Variants in HIPK1 observed in about 807,000 individuals in gnomAD.
The protein encoded by HIPK1 is homeodomain-interacting protein kinase 1.
A neutral mutation model predicts 117.1 loss-of-function variants in HIPK1; 28 were observed. That is an observed-to-expected ratio of 0.24 (90% confidence interval 0.18 to 0.33). The LOEUF is 0.33. Among genes scored for constraint, HIPK1 ranks in the 10% least tolerant of loss-of-function variants. HIPK1 has a pLI of 1.00. For missense variants in HIPK1, 1,122 were observed against 1,475.1 expected (o/e 0.76, Z 3.92); for synonymous variants, 605 against 562.5 (o/e 1.08, Z -1.07).
chr1:113,966,869 C>T (rs1672484518), intron 11 of HIPK1, among the ~76,000 whole-genome samples: 1 of 150,602 alleles, frequency 6.6e-6, no homozygotes, highest in Middle Eastern at 3.2e-3. Flanking sequence ...ATTAACCATC[C>T]CTACCTCCCC....
In HIPK1 at chr1:113,940,737, T is replaced by C; in HGVS notation, c.354T>C (p.Tyr118=). Residue 118 remains tyrosine (Y), a synonymous_variant, in exon 2 of 16, where the codon TAT becomes TAC. Transcript: ENST00000426820. The stretch of plus-strand genomic sequence containing the variant: ...GCAACGTTTCTTTGCTTGAGCCATA[T>C]CAAAAATGTGGATTGAAACGAAAAA... ...HRSNVSLLEP[Y]QKCGLKRKSE... 6.2e-7 allele frequency: 1 copy of C among 1,614,092 alleles called. No individual in the cohort carries two copies.
rs55998621 is a variant in HIPK1 at position 113,938,909 on chromosome 1, CA to C, written c.-2-1454del. ...TGGGCTACAGAGTGAGACTCTGTCT[CA>C]AAAAAAAAAAAAAAAAAATACACAC... On this transcript the variant is annotated intron_variant, in intron 1 of 15. Coordinates refer to ENST00000426820, the MANE Select transcript of HIPK1 (RefSeq NM_198268.3). 7.2e-3 allele frequency among the ~76,000 whole-genome samples: 182 copies of C among 25,380 alleles called. 2 individuals are homozygous for C. Among genetic ancestry groups the C allele is most frequent in the Middle Eastern group, 0.062 (3 of 48 alleles). The allele number at this position is 25,380 out of a possible 152,430, so 16.7% of individuals were successfully genotyped here.
At chr1:113,966,647 T>A (rs1165776112) in intron 11 of HIPK1, among the ~76,000 whole-genome samples, 1 of 152,138 alleles carries the variant, frequency 6.6e-6, no homozygotes, top group Non-Finnish European at 1.5e-5. Flanking sequence ...ATGGGGTACA[T>A]GAGATGTTTT....
intron 15 of HIPK1, 166 bp downstream of exon 15, chr1:113,972,120 C>A (rs1672879927): frequency 6.4e-7 from 1 of 1,563,186 alleles, no homozygotes. Flanking sequence ...TGTGTCTCTT[C>A]ATTCACTCTG....
rs1164911759 is a variant in HIPK1 at position 113,976,176 on chromosome 1, C to T, written c.*2664C>T. ...GGTAGTCCGTACAGCCTACCAGGAA[C>T]ATGTTGTGTTTTCTTTATTTTTTAA... is the stretch of plus-strand genomic sequence containing the variant. On this transcript the variant is annotated 3_prime_UTR_variant, in exon 16 of 16. Coordinates refer to ENST00000426820, the MANE Select transcript of HIPK1 (RefSeq NM_198268.3). 1 of 152,724 alleles carries T rather than the reference C, an allele frequency of 6.5e-6. No homozygotes were observed. Among genetic ancestry groups the T allele is most frequent in the African/African-American group, 2.4e-5 (1 of 41,426 alleles). 9.5% of individuals were successfully genotyped at this position (152,724 alleles called of 1,614,324 possible). A position where few individuals can be genotyped will look rare whatever the true frequency, so the allele number is the denominator to read the frequency against.
chr1:113,929,451 C>G lies in HIPK1; in HGVS notation c.-84C>G, dbSNP rs148701256. 2.3e-6 allele frequency: 3 copies of G among 1,289,272 alleles called. No individual in the cohort carries two copies. Among genetic ancestry groups the G allele is most frequent in the African/African-American group, 1.5e-5 (1 of 65,830 alleles). 79.9% of individuals were successfully genotyped at this position (1,289,272 alleles called of 1,614,324 possible). On this transcript the variant is annotated 5_prime_UTR_variant, in exon 1 of 16. Transcript: ENST00000426820. ...ACGCTGGCTCCCTACGGAGGCCCACCTACTCGAGGCCCACCGACTCCTACT... is the reference window on the plus strand; with the variant it reads ...ACGCTGGCTCCCTACGGAGGCCCACGTACTCGAGGCCCACCGACTCCTACT...
intron 2 of HIPK1, among the ~76,000 whole-genome samples, chr1:113,948,298 C>A (rs1558133198): frequency 6.6e-6 from 1 of 152,174 alleles, no homozygotes; most frequent in Non-Finnish European, 1.5e-5. Flanking sequence ...GGGTCTCAGG[C>A]TGGAGTGCAG....
rs1673214027 is a variant in HIPK1, at chr1:113,977,721, TGTATTTTCA to T, written c.*4218_*4226del. On this transcript the variant is annotated 3_prime_UTR_variant, in exon 16 of 16. Transcript: ENST00000426820. The stretch of plus-strand genomic sequence containing the variant: ...TTGTCTTTGGTTTTACAAAGTAGCT[TGTATTTTCA>T]GTATTTTCTACATAATATGGTAAAA... 6.5e-6 allele frequency: 1 copy of T among 152,730 alleles called. No individual in the cohort carries two copies. The highest frequency in any genetic ancestry group is 1.9e-4 in the East Asian group (1 of 5,260). 9.5% of individuals were successfully genotyped at this position (152,730 alleles called of 1,614,324 possible). A position where few individuals can be genotyped will look rare whatever the true frequency, so the allele number is the denominator to read the frequency against.
In HIPK1 at chr1:113,942,413, A is replaced by G. The variant is rs74655991; in HGVS notation, c.1076+954A>G. Among the ~76,000 whole-genome samples the G allele has an allele frequency of 5.5e-3, 833 of 152,322 alleles. 7 individuals are homozygous for G. The highest frequency in any genetic ancestry group is 0.018 in the African/African-American group (763 of 41,572). ...AAAGATATTTACTTATTTGTAATGA[A>G]TCTGAGCATATGTTGCTGTTTTTTC... On this transcript the variant is annotated intron_variant, in intron 2 of 15. Transcript: ENST00000426820.
chr1:113,965,554 A>G (rs1418223176), intron 10 of HIPK1, among the ~76,000 whole-genome samples: 1 of 152,162 alleles, frequency 6.6e-6, no homozygotes, highest in African/African-American at 2.4e-5. Context: ...GCTATAAATG[A>G]TGAAGTTAGC....
rs181975384 is a variant in HIPK1, at chr1:113,945,886, A to G, written c.1076+4427A>G. Among the ~76,000 whole-genome samples, 34 of 152,318 alleles carry G rather than the reference A, an allele frequency of 2.2e-4. 1 individual carries two copies. The Middle Eastern group carries it at 0.014, about 61-fold the overall frequency. ...GGTTTTTCTATTTTATACAAAAACCATAATTGCTTTTTATTAAGGATAGCG... is the reference window on the plus strand; with the variant it reads ...GGTTTTTCTATTTTATACAAAAACCGTAATTGCTTTTTATTAAGGATAGCG... On this transcript the variant is annotated intron_variant, in intron 2 of 15. Coordinates refer to ENST00000426820, the MANE Select transcript of HIPK1 (RefSeq NM_198268.3).
At chr1:113,952,672 CTTTAGCTAA>C (rs1399444753) in intron 2 of HIPK1, 85 bp from the exon 3 acceptor site, 19 of 935,544 alleles carry the variant, frequency 2.0e-5, no homozygotes, top group Non-Finnish European at 2.7e-5. Flanking sequence ...ATAAATGTTC[CTTTAGCTAA>C]TACTAAAACA....
At chr1:113,954,029 C>G (rs537734744) in intron 3 of HIPK1, 1 of 152,314 alleles carries the variant, frequency 6.6e-6, no homozygotes, top group Non-Finnish European at 1.5e-5. Flanking sequence ...AGGCCTGTCA[C>G]AGCTTACTGT....
At chr1:113,937,972 GT>G (rs956885001) in intron 1 of HIPK1, among the ~76,000 whole-genome samples, 5 of 148,188 alleles carry the variant, frequency 3.4e-5, no homozygotes, top group Non-Finnish European at 6.0e-5. Flanking sequence ...GTTGAGACAG[GT>G]TTTTTTTTTG....
At chr1:113,934,465 C>G (rs1346585055) in intron 1 of HIPK1, among the ~76,000 whole-genome samples, 1 of 152,134 alleles carries the variant, frequency 6.6e-6, no homozygotes, top group Non-Finnish European at 1.5e-5. Context: ...TGGATTCTAG[C>G]TATTATCTTT....
rs149936589 is a variant in HIPK1, at chr1:113,957,274, A to G, written c.1743A>G (p.Thr581=). Residue 581 remains threonine, a synonymous_variant, in exon 7 of 16, where the codon ACA becomes ACG. Coordinates refer to ENST00000426820, the MANE Select transcript of HIPK1 (RefSeq NM_198268.3). ...TGAGCTTCAGCAATCAGCTCAATAC[A>G]GTGCACAATCAGGTATTCAATAAAT... ...LTMSFSNQLN[T]VHNQASVLAS... 43 of 1,606,220 alleles carry G rather than the reference A, an allele frequency of 2.7e-5. No homozygotes were observed. The African/African-American group carries it at 4.9e-4, about 18-fold the overall frequency.
chr1:113,968,335 T>C (rs1225178668), intron 12 of HIPK1, 107 bp from the exon 13 acceptor site: 1 of 813,094 alleles, frequency 1.2e-6, no homozygotes, highest in East Asian at 2.4e-5. Flanking sequence ...GCTTAATGAT[T>C]ATGTAAAAAG....
Position 113,952,897 on chromosome 1 carries a change from T to A in HIPK1, c.1200+8T>A, listed in dbSNP as rs748336303. ...GCTTCAGAATATGATCAGGTAAAAGTGTTTATTTGAATGGAAATAGAATGC... is the reference window on the plus strand; with the variant it reads ...GCTTCAGAATATGATCAGGTAAAAGAGTTTATTTGAATGGAAATAGAATGC... On this transcript the variant is annotated splice_region_variant and intron_variant, in intron 3 of 15. Coordinates refer to ENST00000426820, the MANE Select transcript of HIPK1 (RefSeq NM_198268.3). 2 of 1,481,848 alleles carry A rather than the reference T, an allele frequency of 1.3e-6. No individual in the cohort carries two copies. The highest frequency in any genetic ancestry group is 1.8e-6 in the Non-Finnish European group (2 of 1,116,114). 91.8% of individuals were successfully genotyped at this position (1,481,848 alleles called of 1,614,324 possible). A position where few individuals can be genotyped will look rare whatever the true frequency, so the allele number is the denominator to read the frequency against.
chr1:113,934,977 G>A (rs1333553674), intron 1 of HIPK1, among the ~76,000 whole-genome samples: 2 of 125,514 alleles, frequency 1.6e-5, no homozygotes, highest in African/African-American at 3.0e-5. Flanking sequence ...TGACAGTGGT[G>A]AGAACCTGTC....
Sources: allele counts gnomAD v4.1 joint callset (sites outside exome capture counted in the v4.1 genomes callset), GRCh38; gene constraint gnomAD v4.1.1; transcripts MANE v1.5; gene names NCBI Gene and HGNC (gene_info 2026-07-23, HGNC 2026-07-21).